SLC14A2: variants seen among roughly 807,000 people sequenced by gnomAD.
The protein encoded by SLC14A2 is urea transporter 2.
Under a neutral mutation model 104.6 loss-of-function variants are expected in SLC14A2, and 91 were observed. The ratio of observed to expected loss-of-function variants is 0.87; its 90% CI spans 0.73 to 1.04. The LOEUF (loss-of-function observed/expected upper bound fraction) is 1.04. Among genes scored for constraint, SLC14A2 ranks in the 50% least tolerant of loss-of-function variants. The probability of loss-of-function intolerance (pLI) is 0.00; values close to 1 mark genes in which losing one functional copy is unlikely to be tolerated. For synonymous variants in SLC14A2, 476 were observed against 466.4 expected (o/e 1.02, Z -0.27); for missense variants, 1,189 against 1,156.0 (o/e 1.03, Z -0.41).
intron 18 of SLC14A2, among the ~76,000 whole-genome samples, chr18:45,678,189 C>G (rs776434822): frequency 5.3e-5 from 8 of 152,182 alleles, no homozygotes; most frequent in Non-Finnish European, 1.0e-4. Context: ...AGGGGCTTCT[C>G]CAACTGAAAT....
the SLC14A2 span, among the ~76,000 whole-genome samples, chr18:45,189,799 G>T: frequency 2.6e-5 from 4 of 152,144 alleles, no homozygotes; most frequent in Admixed American, 2.0e-4. Context: ...TTGCTTGGGT[G>T]ATAATGGATG....
At chr18:45,409,928 T>A (rs145984794) in intron 1 of SLC14A2, among the ~76,000 whole-genome samples, 104 of 152,286 alleles carry the variant, frequency 6.8e-4, no homozygotes, top group African/African-American at 2.5e-3. Flanking sequence ...ATTGAAATAA[T>A]TATACAATTC....
chr18:45,209,324 C>T (rs939508910), upstream of SLC14A2, among the ~76,000 whole-genome samples: 1 of 151,940 alleles, frequency 6.6e-6, no homozygotes, highest in Non-Finnish European at 1.5e-5. Context: ...GCCTGGGCAA[C>T]AGAGTGAGAC....
chr18:45,531,025 G>A (rs969317416), intron 2 of SLC14A2, among the ~76,000 whole-genome samples: 9 of 152,180 alleles, frequency 5.9e-5, no homozygotes, highest in African/African-American at 2.2e-4. Flanking sequence ...CAAAGGACAT[G>A]AACTCATCAT....
At chr18:45,184,702 A>C in the SLC14A2 span, among the ~76,000 whole-genome samples, 1 of 152,258 alleles carries the variant, frequency 6.6e-6, no homozygotes, top group Non-Finnish European at 1.5e-5. Context: ...ACAAGGCATA[A>C]GTAGTAAACT....
upstream of SLC14A2, among the ~76,000 whole-genome samples, chr18:45,212,816 T>A (rs926995219): frequency 1.4e-4 from 21 of 152,190 alleles, no homozygotes; most frequent in African/African-American, 5.1e-4. Flanking sequence ...GTTGGTACTG[T>A]ATTAGGACCT....
intron 18 of SLC14A2, among the ~76,000 whole-genome samples, chr18:45,676,685 G>T (rs1568006648): frequency 6.6e-6 from 1 of 152,170 alleles, no homozygotes; most frequent in Admixed American, 6.5e-5. Context: ...CCCAGAATAA[G>T]GAATTGCCCC....
At chr18:45,637,904 A>G (rs915039467) in intron 6 of SLC14A2, among the ~76,000 whole-genome samples, 9 of 151,998 alleles carry the variant, frequency 5.9e-5, no homozygotes, top group Non-Finnish European at 1.2e-4. Flanking sequence ...CCTTCACACC[A>G]GGGTGTCAGC....
At chr18:45,302,957 T>C (rs1363548409) in intron 1 of SLC14A2, among the ~76,000 whole-genome samples, 1 of 152,078 alleles carries the variant, frequency 6.6e-6, no homozygotes, top group African/African-American at 2.4e-5. Flanking sequence ...CAGTCTTGCA[T>C]GACAGATGAC....
intron 1 of SLC14A2, among the ~76,000 whole-genome samples, chr18:45,370,153 A>G (rs1443829472): frequency 6.6e-6 from 1 of 152,180 alleles, no homozygotes; most frequent in Non-Finnish European, 1.5e-5. Context: ...GAAAACACAA[A>G]AGAAACAGAA....
intron 2 of SLC14A2, among the ~76,000 whole-genome samples, chr18:45,580,634 A>C (rs2044476621): frequency 6.6e-6 from 1 of 152,188 alleles, no homozygotes; most frequent in African/African-American, 2.4e-5. Flanking sequence ...GCTGTTTTGC[A>C]TGTATTAAAC....
At chr18:45,599,724 C>T (rs1187197682) in intron 2 of SLC14A2, among the ~76,000 whole-genome samples, 1 of 152,178 alleles carries the variant, frequency 6.6e-6, no homozygotes, top group Non-Finnish European at 1.5e-5. Flanking sequence ...TAAAGATATA[C>T]CTGAGACTGG....
At chr18:45,234,533 AT>A (rs1388685139) in intron 1 of SLC14A2, among the ~76,000 whole-genome samples, 2 of 152,212 alleles carry the variant, frequency 1.3e-5, no homozygotes, top group Non-Finnish European at 2.9e-5. Flanking sequence ...ATCACTCAAA[AT>A]TTTGGAGGTA....
At position 45,636,378 on chromosome 18, in the gene SLC14A2, A is replaced by G. The variant is rs1813760878; in HGVS notation, c.651-612A>G. ...CAGCCTGTATGCATAGGAGTGAGTC[A>G]GGATTTGCACTAAGCTTCATCTGTC... On this transcript the variant is annotated intron_variant, in intron 5 of 19. Transcript: ENST00000255226. Among the ~76,000 whole-genome samples the G allele has an allele frequency of 2.0e-5, 3 of 152,352 alleles. No individual in the cohort carries two copies. The South Asian group carries it at 6.2e-4, about 32-fold the overall frequency.
chr18:45,654,249 G>T (rs529875740), intron 10 of SLC14A2, among the ~76,000 whole-genome samples: 2 of 152,134 alleles, frequency 1.3e-5, no homozygotes, highest in African/African-American at 2.4e-5. Context: ...TTCAGGGAAC[G>T]CAAGCTAGTG....
At chr18:45,266,604 T>G (rs1238321369) in intron 1 of SLC14A2, among the ~76,000 whole-genome samples, 1 of 152,214 alleles carries the variant, frequency 6.6e-6, no homozygotes, top group Non-Finnish European at 1.5e-5. Context: ...ATACTTTCTT[T>G]ATAGCCTTTT....
chr18:45,600,682 G>A (rs779132450), intron 2 of SLC14A2, among the ~76,000 whole-genome samples: 8 of 152,146 alleles, frequency 5.3e-5, no homozygotes, highest in African/African-American at 1.7e-4. Context: ...TCCAAGAGGT[G>A]GGGAATAGGC....
chr18:45,513,356 C>T (rs184623104), intron 2 of SLC14A2, among the ~76,000 whole-genome samples: 34 of 152,276 alleles, frequency 2.2e-4, no homozygotes, highest in Non-Finnish European at 3.8e-4. Flanking sequence ...TAAGCCTTAT[C>T]GCCCAATATG....
At chr18:45,219,880 G>A (rs953325418) in intron 1 of SLC14A2, among the ~76,000 whole-genome samples, 1 of 152,000 alleles carries the variant, frequency 6.6e-6, no homozygotes, top group Non-Finnish European at 1.5e-5. Flanking sequence ...CTGCAGAGAA[G>A]GAAAAACAAT....
Sources: gnomAD v4.1 joint callset for allele counts (sites outside exome capture counted in the v4.1 genomes callset) on GRCh38, gnomAD v4.1.1 for gene constraint, MANE v1.5 for transcripts, NCBI Gene and HGNC (gene_info 2026-07-23, HGNC 2026-07-21) for gene names.